KMO: variants seen among roughly 807,000 people sequenced by gnomAD.
KMO encodes kynurenine 3-hydroxylase.
A neutral mutation model predicts 57.8 loss-of-function variants in KMO; 24 were observed. The observed-to-expected ratio is 0.42, with a 90% confidence interval of 0.30 to 0.58. The LOEUF (loss-of-function observed/expected upper bound fraction) is 0.58, where lower values mean the gene tolerates loss of function less well. Among genes scored for constraint, KMO ranks in the 20% least tolerant of loss-of-function variants. The pLI is 0.22. For missense variants in KMO, 483 were observed against 588.2 expected, an observed-to-expected ratio of 0.82 and a Z score of 1.85; for synonymous variants, 210 against 193.6, an observed-to-expected ratio of 1.08 and a Z score of -0.70.
At chr1:241,532,523 A>G (rs747049103) in intron 1 of KMO, 25 bp downstream of exon 1, 1 of 1,551,670 alleles carries the variant, frequency 6.4e-7, no homozygotes, top group East Asian at 2.3e-5. Flanking sequence ...ATGGATTACT[A>G]TTGTTGGTGG....
At chr1:241,582,575 T>C (rs899749588) in intron 10 of KMO, among the ~76,000 whole-genome samples, 1 of 152,248 alleles carries the variant, frequency 6.6e-6, no homozygotes, top group Non-Finnish European at 1.5e-5. Context: ...CATTTTTCAA[T>C]TGAATTTTTC....
intron 4 of KMO, among the ~76,000 whole-genome samples, chr1:241,553,373 T>G (rs3007742): frequency 0.34 from 52,275 of 151,952 alleles, 9,049 homozygotes; most frequent in East Asian, 0.41. Context: ...AAAGAAAATA[T>G]TTTCCCCATG....
At chr1:241,587,139 G>A (rs1026886016) in intron 11 of KMO, among the ~76,000 whole-genome samples, 5 of 152,034 alleles carry the variant, frequency 3.3e-5, no homozygotes, top group African/African-American at 9.7e-5. Flanking sequence ...GACAGGGGGT[G>A]GGGGGAGATG....
chr1:241,562,820 C>T (rs1661904159), intron 7 of KMO, among the ~76,000 whole-genome samples: 1 of 149,560 alleles, frequency 6.7e-6, no homozygotes, highest in African/African-American at 2.5e-5. Flanking sequence ...TCCTGAGCAA[C>T]ATAGCCCAAT....
chr1:241,577,293 T>G (rs1662558186), intron 10 of KMO, among the ~76,000 whole-genome samples: 1 of 152,172 alleles, frequency 6.6e-6, no homozygotes, highest in Non-Finnish European at 1.5e-5. Flanking sequence ...CTTTTGGGGT[T>G]GTTATAGAAC....
intron 1 of KMO, among the ~76,000 whole-genome samples, chr1:241,533,585 T>C (rs755735513): frequency 1.3e-5 from 2 of 152,198 alleles, no homozygotes; most frequent in Non-Finnish European, 1.5e-5. Context: ...TAGGCTTGTG[T>C]CCAATCTGTC....
intron 10 of KMO, among the ~76,000 whole-genome samples, chr1:241,581,601 A>T (rs1309107575): frequency 6.6e-6 from 1 of 152,006 alleles, no homozygotes; most frequent in African/African-American, 2.4e-5. Flanking sequence ...AAAGAAAGAA[A>T]GAAGAAAAAA....
At chr1:241,549,600 T>C in intron 2 of KMO, 77 bp from the exon 3 acceptor site, 1 of 801,180 alleles carries the variant, frequency 1.2e-6, no homozygotes, top group Admixed American at 2.1e-5. Context: ...AACCAGTTGT[T>C]CAGATGCAGT....
In KMO at chr1:241,595,018, T is replaced by A. The variant is rs1663458210; in HGVS notation, c.*2865T>A. On this transcript the variant is annotated 3_prime_UTR_variant, in exon 15 of 15. Coordinates refer to ENST00000366559, the MANE Select transcript of KMO (RefSeq NM_003679.5). ...ATTAAGTTAGTCCACAAATATTCAG[T>A]GGGCATCTACTAGGTGACAGCCACT... 9.4e-6 allele frequency: 2 copies of A among 213,324 alleles called. No homozygotes were observed. The highest frequency in any genetic ancestry group is 1.8e-5 in the Non-Finnish European group (2 of 108,232). The allele number at this position is 213,324 out of a possible 1,614,324, so 13.2% of individuals were successfully genotyped here.
chr1:241,581,084 ATTTG>A (rs1662730594), intron 10 of KMO, among the ~76,000 whole-genome samples: 3 of 152,106 alleles, frequency 2.0e-5, no homozygotes. Flanking sequence ...TAATGAACTC[ATTTG>A]TTTGTCTTTA....
intron 5 of KMO, 164 bp downstream of exon 5, chr1:241,555,824 A>G: frequency 2.1e-6 from 1 of 482,982 alleles, no homozygotes; most frequent in Non-Finnish European, 3.7e-6. Flanking sequence ...CTGATAGCTC[A>G]TGCCTGTAAT....
chr1:241,554,816 CA>C lies in KMO; in HGVS notation c.313-780del, dbSNP rs11398893. 4.7e-3 allele frequency among the ~76,000 whole-genome samples: 557 copies of C among 118,368 alleles called. 4 individuals carry two copies. Among genetic ancestry groups the C allele is most frequent in the East Asian group, 0.03 (120 of 4,000 alleles). The allele number at this position is 118,368 out of a possible 152,430, so 77.7% of individuals were successfully genotyped here. ...CAAAACCCCATTTCTACTAAAAATA[CA>C]AAAAAAAAAAAAAAATTAGCTGAGT... is the stretch of plus-strand genomic sequence containing the variant. On this transcript the variant is annotated intron_variant, in intron 4 of 14. Transcript: ENST00000366559.
At chr1:241,556,895 A>G (rs1170560275) in intron 5 of KMO, among the ~76,000 whole-genome samples, 1 of 148,652 alleles carries the variant, frequency 6.7e-6, no homozygotes, top group Non-Finnish European at 1.5e-5. Flanking sequence ...TCCCAATAAA[A>G]TAATAATAAT....
intron 5 of KMO, 75 bp downstream of exon 5, chr1:241,555,735 T>G (rs1661591775): frequency 1.1e-6 from 1 of 898,990 alleles, no homozygotes; most frequent in Admixed American, 1.9e-5. Context: ...TATGATTTAT[T>G]GGATTTGTTT....
chr1:241,559,561 A>G (rs772486991), intron 5 of KMO, among the ~76,000 whole-genome samples: 3 of 152,182 alleles, frequency 2.0e-5, no homozygotes, highest in Non-Finnish European at 4.4e-5. Flanking sequence ...TTCTACATAG[A>G]TGAATTTCTT....
At chr1:241,563,439 TTAAATAC>T (rs1391960317) in intron 7 of KMO, among the ~76,000 whole-genome samples, 2 of 152,238 alleles carry the variant, frequency 1.3e-5, no homozygotes, top group Non-Finnish European at 2.9e-5. Flanking sequence ...GATAGTGTTG[TTAAATAC>T]TAAATATCAG....
intron 3 of KMO, among the ~76,000 whole-genome samples, chr1:241,550,547 G>T (rs1251411106): frequency 1.3e-5 from 2 of 152,176 alleles, no homozygotes; most frequent in Non-Finnish European, 2.9e-5. Flanking sequence ...AGTGCTATTT[G>T]CATTCCTATT....
rs775290912 is a variant in KMO at position 241,591,967 on chromosome 1, ACT to A, written c.1278_1279del (p.Phe428LeufsTer57). ...HWQKKVINKG[L>X]FFLGSLIAIS... Reference sequence around the variant, plus strand: ...CTGTCTTACAGGTGATAAACAAAGGACTCTTTTTCTTGGGATCACTGATAGCC... The same window carrying A: ...CTGTCTTACAGGTGATAAACAAAGGACTTTTTCTTGGGATCACTGATAGCC... On this transcript the variant is annotated frameshift_variant, in exon 15 of 15. Coordinates refer to ENST00000366559, the MANE Select transcript of KMO (RefSeq NM_003679.5). LOFTEE classifies it low-confidence loss of function (END_TRUNC). 41 of 1,613,328 alleles carry A rather than the reference ACT, an allele frequency of 2.5e-5. No homozygotes were observed. Among genetic ancestry groups the A allele is most frequent in the Non-Finnish European group, 3.3e-5 (39 of 1,179,562 alleles).
intron 1 of KMO, among the ~76,000 whole-genome samples, chr1:241,544,090 T>C (rs1025219148): frequency 1.3e-5 from 2 of 152,178 alleles, no homozygotes; most frequent in Non-Finnish European, 2.9e-5. Context: ...TTTACTGTGG[T>C]TGAATTTTTA....
Sources: gnomAD v4.1 joint callset for allele counts (sites outside exome capture counted in the v4.1 genomes callset) on GRCh38, gnomAD v4.1.1 for gene constraint, MANE v1.5 for transcripts, NCBI Gene and HGNC (gene_info 2026-07-23, HGNC 2026-07-21) for gene names.